Variants in CA5B observed in about 807,000 individuals in gnomAD.
CA5B encodes the protein carbonic anhydrase 5B, mitochondrial.
CA5B carries 15 observed loss-of-function variants against 23.1 expected under a neutral mutation model. That is an observed-to-expected ratio of 0.65 (90% CI 0.43 to 1.00). The LOEUF (loss-of-function observed/expected upper bound fraction) is 1.00, where lower values mean the gene tolerates loss of function less well. CA5B is among the 50% of genes least tolerant of loss of function. The probability of loss-of-function intolerance (pLI) is 0.00; values close to 1 mark genes in which losing one functional copy is unlikely to be tolerated. For synonymous variants in CA5B, 84 were observed against 98.5 expected, an observed-to-expected ratio of 0.85 and a Z score of 0.87; for missense variants, 236 against 252.2, an observed-to-expected ratio of 0.94 and a Z score of 0.43.
Position 15,782,856 on chromosome X carries a change from G to T in CA5B, c.*192G>T. 2.8e-6 allele frequency: 1 copy of T among 357,021 alleles called. No individual in the cohort carries two copies. The highest frequency in any genetic ancestry group is 4.8e-6 in the Non-Finnish European group (1 of 206,962). 29.4% of individuals were successfully genotyped at this position (357,021 alleles called of 1,213,427 possible). ...GCAAGAGACACAAGTTTCTCTTACA[G>T]ATACCTGTTGGTAATTGTAATGCCT... On this transcript the variant is annotated 3_prime_UTR_variant, in exon 8 of 8. Coordinates refer to ENST00000318636, the MANE Select transcript of CA5B (RefSeq NM_007220.4).
intron 2 of CA5B, among the ~76,000 whole-genome samples, chrX:15,757,762 TA>T (rs1312391244): frequency 9.2e-6 from 1 of 108,309 alleles, no homozygotes; most frequent in African/African-American, 3.4e-5. Flanking sequence ...CAGGCAGTTG[TA>T]AGAAGAGTAG....
chrX:15,767,696 C>G (rs1931737526), intron 3 of CA5B, among the ~76,000 whole-genome samples: 1 of 107,333 alleles, frequency 9.3e-6, no homozygotes, highest in Non-Finnish European at 1.9e-5. Flanking sequence ...TCAAGTGATT[C>G]TCCCACCTCA....
At chrX:15,769,330 T>C (rs1469692865) in intron 3 of CA5B, 1 of 166,472 alleles carries the variant, frequency 6.0e-6, no homozygotes, top group African/African-American at 3.2e-5. Context: ...CTCTCCTGGG[T>C]GTTGTTTGGT....
chrX:15,744,545 T>C (rs1043915217), intron 1 of CA5B, among the ~76,000 whole-genome samples: 5 of 112,575 alleles, frequency 4.4e-5, no homozygotes, highest in African/African-American at 1.6e-4. Context: ...TGTCTCATTC[T>C]AACTCGATTG....
intron 2 of CA5B, among the ~76,000 whole-genome samples, chrX:15,761,257 A>T (rs1234274544): frequency 5.4e-5 from 6 of 111,491 alleles, no homozygotes; most frequent in African/African-American, 2.0e-4. Context: ...TTGCATGGTG[A>T]TGAGGTTTGG....
intron 5 of CA5B, 105 bp from the exon 6 acceptor site, chrX:15,775,141 G>A: frequency 1.9e-6 from 1 of 519,656 alleles, no homozygotes; most frequent in Admixed American, 3.5e-5. Context: ...CATGCAGTTT[G>A]TTTTTATGTA....
intron 2 of CA5B, among the ~76,000 whole-genome samples, chrX:15,752,669 G>A (rs749823613): frequency 2.7e-5 from 3 of 109,881 alleles, no homozygotes; most frequent in African/African-American, 9.9e-5. Context: ...AGCTTGCAGT[G>A]AGCCGAGATC....
chrX:15,772,587 C>A lies in CA5B; in HGVS notation c.432C>A (p.Thr144=). 8.4e-7 allele frequency: 1 copy of A among 1,193,589 alleles called. No homozygotes were observed. The highest frequency in any genetic ancestry group is 1.8e-5 in the South Asian group (1 of 55,884). ...TCGATGCCTGGGGTTCTGAGCACACCGTGGACAGCAAATGCTTCCCAGCAG... is the reference window on the plus strand; with the variant it reads ...TCGATGCCTGGGGTTCTGAGCACACAGTGGACAGCAAATGCTTCCCAGCAG... ...GAIDAWGSEH[T]VDSKCFPAEL... Residue 144 remains threonine, a synonymous_variant, in exon 4 of 8, where the codon ACC becomes ACA. Transcript: ENST00000318636.
chrX:15,748,093 G>A (rs757666284), intron 1 of CA5B, among the ~76,000 whole-genome samples: 2 of 111,989 alleles, frequency 1.8e-5, no homozygotes, highest in African/African-American at 6.5e-5. Context: ...AGGAAGGCTG[G>A]TCGCCCCACC....
At position 15,762,697 on chromosome X, in the gene CA5B, G is replaced by A. The variant is rs190254200; in HGVS notation, c.143-1881G>A. Reference sequence around the variant, plus strand: ...TGGGATTACAGGCATGAGCCACCATGCCCAGCCAGTGTCATCCTTATTCTT... The same window carrying A: ...TGGGATTACAGGCATGAGCCACCATACCCAGCCAGTGTCATCCTTATTCTT... On this transcript the variant is annotated intron_variant, in intron 2 of 7. Coordinates refer to ENST00000318636, the MANE Select transcript of CA5B (RefSeq NM_007220.4). 2.0e-3 allele frequency: 618 copies of A among 313,266 alleles called. 7 individuals carry two copies. The highest frequency in any genetic ancestry group is 0.016 in the African/African-American group (584 of 37,075). 25.8% of individuals were successfully genotyped at this position (313,266 alleles called of 1,213,427 possible).
intron 3 of CA5B, among the ~76,000 whole-genome samples, chrX:15,770,301 G>A (rs551770888): frequency 1.8e-5 from 2 of 110,742 alleles, no homozygotes; most frequent in South Asian, 7.8e-4. Flanking sequence ...GCAACAGAGT[G>A]AGACTCTGTC....
intron 4 of CA5B, 72 bp downstream of exon 4, chrX:15,772,686 A>G: frequency 5.3e-6 from 3 of 563,049 alleles, no homozygotes; most frequent in Non-Finnish European, 8.6e-6. Context: ...TAGTTGTAAG[A>G]CATTATTAGA....
intron 1 of CA5B, among the ~76,000 whole-genome samples, chrX:15,747,210 C>T (rs1931252859): frequency 2.7e-5 from 3 of 111,774 alleles, no homozygotes; most frequent in Non-Finnish European, 5.6e-5. Context: ...GTCATAATTT[C>T]CTCAGTTATA....
intron 7 of CA5B, among the ~76,000 whole-genome samples, chrX:15,781,347 A>G (rs1932020720): frequency 8.9e-6 from 1 of 112,189 alleles, no homozygotes. Flanking sequence ...CAGCCACATC[A>G]GAGAACAAGC....
intron 1 of CA5B, among the ~76,000 whole-genome samples, chrX:15,749,221 TGTG>T (rs1371847706): frequency 2.7e-5 from 3 of 111,701 alleles, no homozygotes; most frequent in African/African-American, 9.8e-5. Flanking sequence ...GAAGCAGTAT[TGTG>T]GTGGGGAAAG....
chrX:15,738,707 A>C (rs1363219396), intron 1 of CA5B, among the ~76,000 whole-genome samples: 1 of 111,345 alleles, frequency 9.0e-6, no homozygotes, highest in Non-Finnish European at 1.9e-5. Context: ...AGGTTGGTTG[A>C]ATCCAAATAA....
In CA5B at chrX:15,782,960, C is replaced by G. The variant is rs1216646850; in HGVS notation, c.*296C>G. 2 of 220,939 alleles carry G rather than the reference C, an allele frequency of 9.1e-6. No homozygotes were observed. The highest frequency in any genetic ancestry group is 8.1e-6 in the Non-Finnish European group (1 of 123,366). The allele number at this position is 220,939 out of a possible 1,213,427, so 18.2% of individuals were successfully genotyped here. On this transcript the variant is annotated 3_prime_UTR_variant, in exon 8 of 8. Coordinates refer to ENST00000318636, the MANE Select transcript of CA5B (RefSeq NM_007220.4). ...GTGGCCAAATGATAGCTCACTGCAG[C>G]CTTGAACTCCTAGGCTCAAGCAGTC...
intron 2 of CA5B, among the ~76,000 whole-genome samples, chrX:15,756,753 A>T (rs1931494626): frequency 8.9e-6 from 1 of 111,776 alleles, no homozygotes; most frequent in African/African-American, 3.3e-5. Flanking sequence ...TCTACAAAAA[A>T]TTTTATTTAA....
intron 3 of CA5B, among the ~76,000 whole-genome samples, chrX:15,770,858 C>T (rs1931803817): frequency 9.1e-6 from 1 of 109,853 alleles, no homozygotes; most frequent in Admixed American, 9.8e-5. Context: ...AGCTCCATCT[C>T]CCAGGTTCAC....
Sources: allele counts gnomAD v4.1 joint callset (sites outside exome capture counted in the v4.1 genomes callset), GRCh38; gene constraint gnomAD v4.1.1; transcripts MANE v1.5; gene names NCBI Gene and HGNC (gene_info 2026-07-23, HGNC 2026-07-21).